The following RPGRIP1L variants were observed in gnomAD, a reference collection of about 807,000 sequenced individuals.
RPGRIP1L encodes the protein RPGRIP1 like, also known as protein fantom.
RPGRIP1L carries 131 observed loss-of-function variants against 160.4 expected under a neutral mutation model. The observed-to-expected ratio is 0.82, with a 90% CI of 0.71 to 0.94. The LOEUF is 0.94. Ranked by LOEUF, RPGRIP1L falls within the 40% of genes least tolerant of loss-of-function variation. The pLI is 0.00. For synonymous variants in RPGRIP1L, 510 were observed against 515.8 expected (o/e 0.99, Z 0.15); for missense variants, 1,522 against 1,535.8 (o/e 0.99, Z 0.15).
rs4133017 is a variant in RPGRIP1L, at chr16:53,665,091, G to A, written c.1104-82C>T. 0.81 allele frequency: 1,234,305 copies of A among 1,520,554 alleles called. 501,489 individuals are homozygous for A. The highest frequency in any genetic ancestry group is 0.89 in the Admixed American group (50,536 of 57,092). The allele number at this position is 1,520,554 out of a possible 1,614,324, so 94.2% of individuals were successfully genotyped here. On this transcript the variant is annotated intron_variant, in intron 9 of 26. Transcript: ENST00000647211. Reference sequence around the variant, plus strand: ...AATAAAGAGAAAAGCTTTTAGTGGCGCAGAGACCACTGTCATCATGTCTTA... The same window carrying A: ...AATAAAGAGAAAAGCTTTTAGTGGCACAGAGACCACTGTCATCATGTCTTA...
chr16:53,674,897 C>T (rs562304433), intron 7 of RPGRIP1L, 120 bp downstream of exon 7: 8 of 676,948 alleles, frequency 1.2e-5, no homozygotes, highest in Middle Eastern at 3.9e-4. Context: ...ATACAAAGAA[C>T]AATCCTTCAA....
rs115085704 is a variant in RPGRIP1L, at chr16:53,699,590, T to C, written c.85+1049A>G. 6.8e-4 allele frequency among the ~76,000 whole-genome samples: 103 copies of C among 152,202 alleles called. 1 individual carries two copies. The highest frequency in any genetic ancestry group is 2.4e-3 in the African/African-American group (100 of 41,546). ...CACTTACAAGTTATTTGTATAATAC[T>C]TGATACTCCCTGAAAGATCTGCAGA... On this transcript the variant is annotated intron_variant, in intron 2 of 26. Coordinates refer to ENST00000647211, the MANE Select transcript of RPGRIP1L (RefSeq NM_015272.5).
At chr16:53,631,140 TAA>T (rs955609148) in intron 22 of RPGRIP1L, among the ~76,000 whole-genome samples, 15 of 152,240 alleles carry the variant, frequency 9.9e-5, no homozygotes, top group African/African-American at 3.6e-4. Flanking sequence ...ATTTGATTCC[TAA>T]GTGATTTAAT....
At chr16:53,618,223 G>A (rs969937148) in intron 24 of RPGRIP1L, among the ~76,000 whole-genome samples, 2 of 152,108 alleles carry the variant, frequency 1.3e-5, no homozygotes, top group Admixed American at 6.5e-5. Flanking sequence ...TATGATGAAA[G>A]GTGTAGTAAG....
intron 14 of RPGRIP1L, among the ~76,000 whole-genome samples, chr16:53,654,926 T>C (rs1967119203): frequency 6.6e-6 from 1 of 152,236 alleles, no homozygotes; most frequent in Non-Finnish European, 1.5e-5. Context: ...AAGATATTTA[T>C]TGAGCTCTTC....
Position 53,602,150 on chromosome 16 carries a change from G to C in RPGRIP1L, c.3874C>G (p.Leu1292Val). 6.2e-7 allele frequency: 1 copy of C among 1,613,926 alleles called. No individual in the cohort carries two copies. Among genetic ancestry groups the C allele is most frequent in the Admixed American group, 1.7e-5 (1 of 60,032 alleles). ...ARADGEGIGKLRVTVEALHAL... is the reference protein window; with the variant it reads ...ARADGEGIGKVRVTVEALHAL... ...TGGAGAGCTTCGACTGTTACCCTGA[G>C]CTTGCCAATACCTTCACCATCTGCT... is the stretch of plus-strand genomic sequence containing the variant. The change falls in exon 27 of 27, where the codon CTC (leucine) becomes GTC (valine). Residue 1292 changes from leucine (L) to valine (V), a missense_variant. Coordinates refer to ENST00000647211, the MANE Select transcript of RPGRIP1L (RefSeq NM_015272.5).
At chr16:53,648,819 CTG>C in intron 16 of RPGRIP1L, 143 bp downstream of exon 16, 1 of 730,064 alleles carries the variant, frequency 1.4e-6, no homozygotes, top group South Asian at 1.7e-5. Context: ...TTACCACTTC[CTG>C]TGAGTATATG....
chr16:53,623,511 A>C (rs986719996), intron 22 of RPGRIP1L, among the ~76,000 whole-genome samples: 6 of 152,186 alleles, frequency 3.9e-5, no homozygotes, highest in Admixed American at 3.9e-4. Context: ...CTATTGCCTT[A>C]CACTCTAGCC....
chr16:53,653,071 T>C, intron 14 of RPGRIP1L, 84 bp from the exon 15 acceptor site: 1 of 1,114,180 alleles, frequency 9.0e-7, no homozygotes, highest in Non-Finnish European at 1.3e-6. Context: ...TAAGAATGAG[T>C]ACTTCTGGTG....
chr16:53,702,144 G>A (rs760550121), intron 1 of RPGRIP1L, among the ~76,000 whole-genome samples: 2 of 152,184 alleles, frequency 1.3e-5, no homozygotes, highest in African/African-American at 4.8e-5. Flanking sequence ...TGTTCTAAGT[G>A]TTCTGTTATA....
intron 10 of RPGRIP1L, among the ~76,000 whole-genome samples, chr16:53,660,251 A>G (rs1967658188): frequency 1.3e-5 from 2 of 152,172 alleles, no homozygotes; most frequent in African/African-American, 2.4e-5. Flanking sequence ...CATGTCATCT[A>G]AAGTATCTCT....
In RPGRIP1L at chr16:53,641,275, T is replaced by G; in HGVS notation, c.2874+10A>C. 6.2e-7 allele frequency: 1 copy of G among 1,613,036 alleles called. No individual in the cohort carries two copies. The highest frequency in any genetic ancestry group is 8.5e-7 in the Non-Finnish European group (1 of 1,179,220). On this transcript the variant is annotated intron_variant, in intron 18 of 26. Transcript: ENST00000647211. ...TACTTGTAAAAAAATTAAAAGTCAC[T>G]GATACTCACTAAAACTAGTGTGCTA... is the stretch of plus-strand genomic sequence containing the variant.
At chr16:53,657,227 C>T (rs966150317) in intron 13 of RPGRIP1L, among the ~76,000 whole-genome samples, 2 of 150,750 alleles carry the variant, frequency 1.3e-5, no homozygotes, top group Admixed American at 6.6e-5. Flanking sequence ...GTGACAACAG[C>T]AAAACTCTGT....
rs199926524 is a variant in RPGRIP1L, at chr16:53,610,948, T to C, written c.3701+19A>G. 5.2e-6 allele frequency: 8 copies of C among 1,548,860 alleles called. No homozygotes were observed. The African/African-American group carries it at 8.1e-5, about 16-fold the overall frequency. On this transcript the variant is annotated intron_variant, in intron 25 of 26. Transcript: ENST00000647211. ...TACTTTATGTAAACCATTAGATTATTTGGACTGCCAAAACATACCTTCTAT... is the reference window on the plus strand; with the variant it reads ...TACTTTATGTAAACCATTAGATTATCTGGACTGCCAAAACATACCTTCTAT...
intron 22 of RPGRIP1L, among the ~76,000 whole-genome samples, chr16:53,622,680 T>C (rs912384521): frequency 1.3e-5 from 2 of 151,994 alleles, no homozygotes; most frequent in African/African-American, 4.8e-5. Context: ...TCCAGCACTT[T>C]GGGAGGCTGA....
chr16:53,636,615 G>A, intron 21 of RPGRIP1L, 103 bp from the exon 22 acceptor site: 3 of 766,744 alleles, frequency 3.9e-6, no homozygotes, highest in Admixed American at 2.2e-5. Flanking sequence ...ATAACCTTAA[G>A]AAACATGGTA....
At chr16:53,670,682 G>T (rs1968638500) in intron 9 of RPGRIP1L, among the ~76,000 whole-genome samples, 1 of 152,184 alleles carries the variant, frequency 6.6e-6, no homozygotes, top group South Asian at 2.1e-4. Flanking sequence ...AAGGAACAGA[G>T]ACAATTGTAA....
At chr16:53,659,206 TTTAC>T (rs1437486787) in intron 10 of RPGRIP1L, 12 of 979,406 alleles carry the variant, frequency 1.2e-5, no homozygotes, top group African/African-American at 1.7e-5. Context: ...TCTGTGATTT[TTTAC>T]TTACTTATTA....
intron 17 of RPGRIP1L, among the ~76,000 whole-genome samples, chr16:53,642,155 T>C (rs1432390304): frequency 6.6e-6 from 1 of 151,818 alleles, no homozygotes; most frequent in Non-Finnish European, 1.5e-5. Flanking sequence ...TAAAAAAATC[T>C]CTGACTTAAA....
Sources: allele counts gnomAD v4.1 joint callset (sites outside exome capture counted in the v4.1 genomes callset), GRCh38; gene constraint gnomAD v4.1.1; transcripts MANE v1.5; gene names NCBI Gene and HGNC (gene_info 2026-07-23, HGNC 2026-07-21).